Variants in ARHGAP8 observed in about 807,000 individuals in gnomAD.
The protein encoded by ARHGAP8 is rho GTPase-activating protein 8.
ARHGAP8 carries 62 observed loss-of-function variants against 46.1 expected under a neutral mutation model. That is an observed-to-expected ratio of 1.34 (90% CI 1.10 to 1.66). ARHGAP8 has a LOEUF of 1.66. ARHGAP8 is among the 40% of genes most tolerant of loss of function. ARHGAP8 has a pLI of 0.00. For synonymous variants in ARHGAP8, 375 were observed against 243.1 expected, an observed-to-expected ratio of 1.54 and a Z score of -5.05; for missense variants, 923 against 568.4, an observed-to-expected ratio of 1.62 and a Z score of -6.34.
At chr22:44,829,074 A>G (rs925454328) in intron 7 of ARHGAP8, among the ~76,000 whole-genome samples, 5 of 138,534 alleles carry the variant, frequency 3.6e-5, no homozygotes, top group Non-Finnish European at 7.6e-5. Flanking sequence ...GGAGTTCAAG[A>G]CCAGCCTGGC....
At chr22:44,783,469 C>T (rs1926993018) in intron 1 of ARHGAP8, among the ~76,000 whole-genome samples, 1 of 152,316 alleles carries the variant, frequency 6.6e-6, no homozygotes, top group East Asian at 1.9e-4. Context: ...CCAGAGGGAT[C>T]CTGGAAGCCC....
At position 44,779,320 on chromosome 22, in the gene ARHGAP8, C is replaced by T. The variant is rs370895540; in HGVS notation, c.-71-7137C>T. On this transcript the variant is annotated intron_variant, in intron 1 of 11. Coordinates refer to ENST00000356099, the MANE Select transcript of ARHGAP8 (RefSeq NM_181335.3). ...TTCACCATGTTGACCAGGCTGGTCTCGAACTCCTGACCTCAGGTGATTTGC... is the reference window on the plus strand; with the variant it reads ...TTCACCATGTTGACCAGGCTGGTCTTGAACTCCTGACCTCAGGTGATTTGC... Among the ~76,000 whole-genome samples the T allele has an allele frequency of 3.1e-4, 47 of 151,922 alleles. No homozygotes were observed. The South Asian group carries it at 9.2e-3, about 30-fold the overall frequency.
chr22:44,788,740 T>C (rs1569145621), intron 2 of ARHGAP8, among the ~76,000 whole-genome samples: 1 of 152,186 alleles, frequency 6.6e-6, no homozygotes, highest in Non-Finnish European at 1.5e-5. Flanking sequence ...TTTTCTGTTT[T>C]AGTTTTCTAA....
chr22:44,833,334 A>G (rs1931086928), intron 7 of ARHGAP8, among the ~76,000 whole-genome samples: 1 of 150,514 alleles, frequency 6.6e-6, no homozygotes, highest in African/African-American at 2.4e-5. Flanking sequence ...TTCTATTTCT[A>G]GTTTGTTGAG....
chr22:44,859,859 G>A (rs1224026104), intron 11 of ARHGAP8, 25 bp downstream of exon 11: 6 of 1,609,764 alleles, frequency 3.7e-6, no homozygotes, highest in Non-Finnish European at 5.1e-6. Flanking sequence ...GGGGAGCTTG[G>A]GGTGAAGCCC....
chr22:44,781,376 G>C (rs748940944), intron 1 of ARHGAP8, among the ~76,000 whole-genome samples: 6 of 152,144 alleles, frequency 3.9e-5, no homozygotes, highest in Non-Finnish European at 7.4e-5. Flanking sequence ...GCAGATTCAG[G>C]AGATTGCAGT....
intron 2 of ARHGAP8, among the ~76,000 whole-genome samples, chr22:44,790,441 C>T (rs1054462588): frequency 3.3e-5 from 5 of 151,820 alleles, no homozygotes; most frequent in East Asian, 3.9e-4. Flanking sequence ...TTTAGAAGCC[C>T]AAGGAAGGCG....
chr22:44,760,892 A>G (rs987912745), intron 1 of ARHGAP8, among the ~76,000 whole-genome samples: 3 of 151,670 alleles, frequency 2.0e-5, no homozygotes, highest in African/African-American at 7.3e-5. Context: ...CCTGGGGGGG[A>G]TCCGAGAGAA....
At position 44,862,168 on chromosome 22, in the gene ARHGAP8, G is replaced by A. The variant is rs552653976; in HGVS notation, c.982-107G>A. 28 of 1,372,926 alleles carry A rather than the reference G, an allele frequency of 2.0e-5. No homozygotes were observed. The Admixed American group carries it at 4.1e-4, about 20-fold the overall frequency. The allele number at this position is 1,372,926 out of a possible 1,614,324, so 85.0% of individuals were successfully genotyped here. A position where few individuals can be genotyped will look rare whatever the true frequency, so the allele number is the denominator to read the frequency against. On this transcript the variant is annotated intron_variant, in intron 11 of 11. Transcript: ENST00000356099. ...TTACTGGCTGCCGGCTCCCAGTCCA[G>A]TGCTCCTCTCACTACACCTACGCCT...
At position 44,859,624 on chromosome 22, in the gene ARHGAP8, C is replaced by T. The variant is rs1046809872; in HGVS notation, c.878-107C>T. The stretch of plus-strand genomic sequence containing the variant: ...GTCCCAAGCCCAAATGTGGGATAGT[C>T]CATCCTCAGAGCTGTCCTTCCTACA... On this transcript the variant is annotated intron_variant, in intron 10 of 11. Coordinates refer to ENST00000356099, the MANE Select transcript of ARHGAP8 (RefSeq NM_181335.3). 4.9e-6 allele frequency: 6 copies of T among 1,224,084 alleles called. No individual in the cohort carries two copies. In the South Asian group the frequency reaches 6.4e-5, roughly 13 times the overall value. The allele number at this position is 1,224,084 out of a possible 1,614,324, so 75.8% of individuals were successfully genotyped here.
At chr22:44,821,652 G>A (rs1018983944) in intron 5 of ARHGAP8, among the ~76,000 whole-genome samples, 9 of 152,210 alleles carry the variant, frequency 5.9e-5, no homozygotes, top group African/African-American at 1.9e-4. Flanking sequence ...TCGTCACAGC[G>A]AGCATGTCCA....
intron 4 of ARHGAP8, among the ~76,000 whole-genome samples, chr22:44,812,133 T>C (rs1929377655): frequency 6.6e-6 from 1 of 152,150 alleles, no homozygotes; most frequent in Admixed American, 6.5e-5. Flanking sequence ...AGGTCATTCC[T>C]TTTAGGGGTG....
chr22:44,840,325 G>A (rs1266080170), intron 7 of ARHGAP8, among the ~76,000 whole-genome samples: 2 of 152,104 alleles, frequency 1.3e-5, no homozygotes, highest in African/African-American at 4.8e-5. Context: ...GAGGTTCTGG[G>A]GGGTATCTGT....
At chr22:44,783,228 C>T (rs1011306107) in intron 1 of ARHGAP8, among the ~76,000 whole-genome samples, 1 of 152,152 alleles carries the variant, frequency 6.6e-6, no homozygotes, top group Non-Finnish European at 1.5e-5. Flanking sequence ...TGGCCTGGCT[C>T]TCCCATAGCC....
intron 2 of ARHGAP8, among the ~76,000 whole-genome samples, chr22:44,793,442 T>G (rs908055613): frequency 3.2e-4 from 48 of 152,160 alleles, no homozygotes; most frequent in African/African-American, 1.1e-3. Flanking sequence ...CACAACCCAT[T>G]CCGTTGCCGG....
chr22:44,776,797 CG>C (rs1382646484), intron 1 of ARHGAP8, among the ~76,000 whole-genome samples: 1 of 152,090 alleles, frequency 6.6e-6, no homozygotes, highest in African/African-American at 2.4e-5. Context: ...GGCCTGGTGG[CG>C]GGGGTAGGGG....
intron 1 of ARHGAP8, among the ~76,000 whole-genome samples, chr22:44,771,921 G>A (rs1926039854): frequency 6.6e-6 from 1 of 152,108 alleles, no homozygotes; most frequent in Admixed American, 6.6e-5. Context: ...ATTACAGTGG[G>A]TGGGACCTCC....
At position 44,825,549 on chromosome 22, in the gene ARHGAP8, GC is replaced by G; in HGVS notation, c.553del (p.Arg185GlyfsTer29). The G allele has an allele frequency of 6.2e-7, 1 of 1,613,366 alleles. No homozygotes were observed. The highest frequency in any genetic ancestry group is 8.5e-7 in the Non-Finnish European group (1 of 1,179,806). ...CGCCTCCCACCAAGACACCACCGCC[GC>G]GGCCCCCGCTGCCCACACAGCAGTT... is the stretch of plus-strand genomic sequence containing the variant. ...TPPPTKTPPP[R>X]PPLPTQQFGV... is the part of the protein sequence containing the mutation. On this transcript the variant is annotated frameshift_variant, in exon 7 of 12. Coordinates refer to ENST00000356099, the MANE Select transcript of ARHGAP8 (RefSeq NM_181335.3). LOFTEE classifies it high-confidence loss of function.
At chr22:44,861,552 T>G (rs1294799353) in intron 11 of ARHGAP8, among the ~76,000 whole-genome samples, 6 of 152,156 alleles carry the variant, frequency 3.9e-5, no homozygotes, top group African/African-American at 1.4e-4. Flanking sequence ...CCTGCCTCCC[T>G]CCAGTTCTCT....
Sources: allele counts gnomAD v4.1 joint callset (sites outside exome capture counted in the v4.1 genomes callset), GRCh38; gene constraint gnomAD v4.1.1; transcripts MANE v1.5; gene names NCBI Gene and HGNC (gene_info 2026-07-23, HGNC 2026-07-21).